Variants in PCDHA1 observed in about 807,000 individuals in gnomAD.
The protein encoded by PCDHA1 is protocadherin alpha 1, also known as protocadherin alpha-1.
In PCDHA1, 42 loss-of-function variants were observed where a neutral mutation model predicts 61.3. The ratio of observed to expected loss-of-function variants is 0.69; its 90% CI spans 0.54 to 0.89. The LOEUF (loss-of-function observed/expected upper bound fraction) is 0.89, where lower values mean the gene tolerates loss of function less well. Ranked by LOEUF, PCDHA1 falls within the 40% of genes least tolerant of loss-of-function variation. PCDHA1 has a pLI of 0.00. For synonymous variants in PCDHA1, 610 were observed against 553.8 expected (o/e 1.10, Z -1.43); for missense variants, 1,256 against 1,235.3 (o/e 1.02, Z -0.25).
chr5:140,996,701 A>G (rs782320896), intron 3 of PCDHA1, among the ~76,000 whole-genome samples: 2 of 152,130 alleles, frequency 1.3e-5, no homozygotes, highest in Non-Finnish European at 2.9e-5. Flanking sequence ...CTGAACCTCT[A>G]TCTCTTTGAT....
chr5:140,953,871 A>G (rs2094944952), intron 1 of PCDHA1, among the ~76,000 whole-genome samples: 1 of 152,146 alleles, frequency 6.6e-6, no homozygotes, highest in African/African-American at 2.4e-5. Context: ...TTTGCTGCAC[A>G]GATCAACCCA....
In PCDHA1 at chr5:140,900,434, C is replaced by T. The variant is rs545919996; in HGVS notation, c.2395-78515C>T. On this transcript the variant is annotated intron_variant, in intron 1 of 3. Transcript: ENST00000504120. Reference sequence around the variant, plus strand: ...CTGGGATTATAGGCACGTGCCACCACGGCCGGCTAATTTTTTATTTTTAGT... The same window carrying T: ...CTGGGATTATAGGCACGTGCCACCATGGCCGGCTAATTTTTTATTTTTAGT... Among the ~76,000 whole-genome samples, 18 of 152,264 alleles carry T rather than the reference C, an allele frequency of 1.2e-4. No individual in the cohort carries two copies. The East Asian group carries it at 2.5e-3, about 21-fold the overall frequency.
intron 1 of PCDHA1, chr5:140,805,607 C>T (rs1367346040): frequency 2.7e-5 from 25 of 920,858 alleles, no homozygotes; most frequent in Non-Finnish European, 3.0e-5. Context: ...TATTAAATTT[C>T]TTTATGTAAG....
chr5:140,891,426 C>A lies in PCDHA1; in HGVS notation c.2395-87523C>A, dbSNP rs76102230. On this transcript the variant is annotated intron_variant, in intron 1 of 3. Transcript: ENST00000504120. ...CCACCCCCCACTCTTGCCCCCAAGTCCCCAACGTCCATTGTATAGGATTTT... is the reference window on the plus strand; with the variant it reads ...CCACCCCCCACTCTTGCCCCCAAGTACCCAACGTCCATTGTATAGGATTTT... Among the ~76,000 whole-genome samples, 774 of 148,652 alleles carry A rather than the reference C, an allele frequency of 5.2e-3. 4 individuals are homozygous for A. Among genetic ancestry groups the A allele is most frequent in the African/African-American group, 0.018 (747 of 40,514 alleles).
intron 1 of PCDHA1, among the ~76,000 whole-genome samples, chr5:140,872,775 A>G (rs2053889520): frequency 1.3e-5 from 2 of 152,182 alleles, no homozygotes; most frequent in Non-Finnish European, 1.5e-5. Context: ...TATATTATCT[A>G]TAATATATGC....
chr5:140,829,380 G>A, intron 1 of PCDHA1: 1 of 1,614,112 alleles, frequency 6.2e-7, no homozygotes, highest in Non-Finnish European at 8.5e-7. Flanking sequence ...GCGCGGGACG[G>A]GGGCTCGCCT....
At chr5:140,800,897 T>A in intron 1 of PCDHA1, 1 of 388,204 alleles carries the variant, frequency 2.6e-6, no homozygotes, top group Non-Finnish European at 4.2e-6. Context: ...CTTTGAGGAG[T>A]GACCGAAGGA....
At chr5:140,941,412 G>A (rs246068) in intron 1 of PCDHA1, among the ~76,000 whole-genome samples, 46,949 of 148,492 alleles carry the variant, frequency 0.32, 7,794 homozygotes, top group East Asian at 0.53. Context: ...CGCCTCCCGG[G>A]TTCAAGCAAT....
At chr5:140,908,933 C>T (rs1554193565) in intron 1 of PCDHA1, among the ~76,000 whole-genome samples, 1 of 152,186 alleles carries the variant, frequency 6.6e-6, no homozygotes, top group East Asian at 1.9e-4. Context: ...AATGCAGCAA[C>T]TTATCCTTCA....
At chr5:140,916,714 G>C (rs1457405124) in intron 1 of PCDHA1, among the ~76,000 whole-genome samples, 1 of 152,172 alleles carries the variant, frequency 6.6e-6, no homozygotes, top group African/African-American at 2.4e-5. Context: ...CAGAAGGAAG[G>C]AGTGACTTTT....
At chr5:140,857,465 ATCT>A in intron 1 of PCDHA1, 1 of 1,598,478 alleles carries the variant, frequency 6.3e-7, no homozygotes, top group Non-Finnish European at 8.6e-7. Context: ...AGGCTGCCAC[ATCT>A]TCACGGTGTC....
chr5:140,850,795 CCGA>C, intron 1 of PCDHA1: 1 of 1,598,426 alleles, frequency 6.3e-7, no homozygotes, highest in Non-Finnish European at 8.6e-7. Flanking sequence ...AAGCAGAAGA[CCGA>C]CCTCATGGCC....
intron 1 of PCDHA1, chr5:140,825,191 A>G (rs1768473912): frequency 6.6e-6 from 1 of 151,754 alleles, no homozygotes; most frequent in African/African-American, 2.4e-5. Flanking sequence ...CTTGATGATC[A>G]TGAATTATCA....
chr5:140,839,021 A>G (rs1403087386), intron 1 of PCDHA1, among the ~76,000 whole-genome samples: 1 of 152,058 alleles, frequency 6.6e-6, no homozygotes, highest in East Asian at 1.9e-4. Flanking sequence ...TTATTTTAGG[A>G]TATGTTACTG....
At chr5:140,832,109 C>T (rs2150199824) in intron 1 of PCDHA1, among the ~76,000 whole-genome samples, 14 of 152,240 alleles carry the variant, frequency 9.2e-5, no homozygotes, top group African/African-American at 3.4e-4. Flanking sequence ...ACATTAAAAG[C>T]AATTTAAAAT....
chr5:140,933,677 T>C (rs1024721491), intron 1 of PCDHA1, among the ~76,000 whole-genome samples: 1 of 151,826 alleles, frequency 6.6e-6, no homozygotes, highest in Non-Finnish European at 1.5e-5. Flanking sequence ...CTCTCTCACA[T>C]TTTTTTTCCT....
In PCDHA1 at chr5:141,011,172, A is replaced by G. The variant is rs377766708; in HGVS notation, c.*1235A>G. On this transcript the variant is annotated 3_prime_UTR_variant, in exon 4 of 4. Transcript: ENST00000504120. ...TCTAACCAACTATATATCAAGACCC[A>G]AAAATTGAAGAAAAATATTGTTTTC... 53 of 153,852 alleles carry G rather than the reference A, an allele frequency of 3.4e-4. No individual in the cohort carries two copies. Among genetic ancestry groups the G allele is most frequent in the African/African-American group, 1.2e-3 (51 of 41,568 alleles). 9.5% of individuals were successfully genotyped at this position (153,852 alleles called of 1,614,324 possible).
rs112291126 is a variant in PCDHA1 at position 140,807,661 on chromosome 5, G to A, written c.2394+18977G>A. 2.1e-3 allele frequency: 3,418 copies of A among 1,614,194 alleles called. 54 individuals carry two copies. The African/African-American group carries it at 0.039, about 19-fold the overall frequency. On this transcript the variant is annotated intron_variant, in intron 1 of 3. Transcript: ENST00000504120. ...CTCGGTTTCCACTAGAGGGCGCCTCGGATGCAGATATCGGGGAGAACGCCC... is the reference window on the plus strand; with the variant it reads ...CTCGGTTTCCACTAGAGGGCGCCTCAGATGCAGATATCGGGGAGAACGCCC...
At chr5:140,799,621 A>G (rs1762454889) in intron 1 of PCDHA1, among the ~76,000 whole-genome samples, 1 of 152,106 alleles carries the variant, frequency 6.6e-6, no homozygotes, top group Non-Finnish European at 1.5e-5. Flanking sequence ...CTTGCTTGAA[A>G]AAGTTAATTC....
Sources: gnomAD v4.1 joint callset for allele counts (sites outside exome capture counted in the v4.1 genomes callset) on GRCh38, gnomAD v4.1.1 for gene constraint, MANE v1.5 for transcripts, NCBI Gene and HGNC (gene_info 2026-07-23, HGNC 2026-07-21) for gene names.